Variants in MAPDA observed in about 807,000 individuals in gnomAD.
The protein encoded by MAPDA is N6-Methyl-AMP deaminase.
chr15:43,330,445 G>A, the MAPDA span: 1 of 1,542,578 alleles, frequency 6.5e-7, no homozygotes, highest in Non-Finnish European at 8.7e-7. Context: ...TGTCGTTGGT[G>A]TTCTGTACCG....
At chr15:43,345,247 G>A in the MAPDA span, among the ~76,000 whole-genome samples, 17 of 151,784 alleles carry the variant, frequency 1.1e-4, 1 homozygote, top group African/African-American at 3.6e-4. Context: ...CCAGCTACTC[G>A]GGTGACTGAG....
the MAPDA span, among the ~76,000 whole-genome samples, chr15:43,339,469 C>T: frequency 6.6e-6 from 1 of 152,182 alleles, no homozygotes; most frequent in Non-Finnish European, 1.5e-5. Flanking sequence ...TATGAACAGC[C>T]AGCCCCTCTT....
the MAPDA span, chr15:43,351,321 C>T: frequency 1.7e-5 from 5 of 301,388 alleles, no homozygotes; most frequent in Non-Finnish European, 3.0e-5. Context: ...AGTGAAACTC[C>T]ATCTCACAAA....
chr15:43,344,194 A>G, the MAPDA span, among the ~76,000 whole-genome samples: 1 of 152,190 alleles, frequency 6.6e-6, no homozygotes, highest in Non-Finnish European at 1.5e-5. Flanking sequence ...CTAGAAATGC[A>G]TCCCAGGAAA....
At chr15:43,350,995 A>G in the MAPDA span, 1 of 1,551,614 alleles carries the variant, frequency 6.4e-7, no homozygotes, top group Non-Finnish European at 8.7e-7. Flanking sequence ...TATGACCAGC[A>G]CCATTTCGGA....
At chr15:43,333,613 A>G in the MAPDA span, among the ~76,000 whole-genome samples, 2 of 152,146 alleles carry the variant, frequency 1.3e-5, no homozygotes, top group African/African-American at 2.4e-5. Flanking sequence ...TTCTATGGCT[A>G]TGTTTAGTCC....
At chr15:43,335,265 T>A in the MAPDA span, 2 of 1,326,626 alleles carry the variant, frequency 1.5e-6, no homozygotes, top group Non-Finnish European at 2.1e-6. Flanking sequence ...CTGGGCGCAG[T>A]GGCTCATGCC....
chr15:43,332,829 A>G, the MAPDA span, among the ~76,000 whole-genome samples: 2 of 152,146 alleles, frequency 1.3e-5, no homozygotes, highest in Non-Finnish European at 2.9e-5. Context: ...CCCTGCTCTA[A>G]TATTGATGAA....
chr15:43,336,712 TG>T, the MAPDA span: 19 of 1,505,484 alleles, frequency 1.3e-5, no homozygotes, highest in Non-Finnish European at 1.6e-5. Context: ...ATTTTTAGAA[TG>T]GTTTAAAAAT....
At chr15:43,348,247 A>G in the MAPDA span, among the ~76,000 whole-genome samples, 1 of 152,224 alleles carries the variant, frequency 6.6e-6, no homozygotes, top group Non-Finnish European at 1.5e-5. Flanking sequence ...TGATGAGCAC[A>G]CTATGTGAGG....
the MAPDA span, chr15:43,351,255 G>C: frequency 2.0e-6 from 1 of 509,058 alleles, no homozygotes; most frequent in Non-Finnish European, 3.5e-6. Context: ...GAACCCAGGA[G>C]GAGGAGGTTG....
At chr15:43,350,512 A>G in the MAPDA span, among the ~76,000 whole-genome samples, 4 of 152,132 alleles carry the variant, frequency 2.6e-5, no homozygotes, top group Admixed American at 2.0e-4. Flanking sequence ...TTAGCTCTTT[A>G]TAATGCTCTC....
At chr15:43,348,963 C>T in the MAPDA span, 32 of 1,613,988 alleles carry the variant, frequency 2.0e-5, no homozygotes, top group Middle Eastern at 1.6e-4. Flanking sequence ...CTGACAGAAT[C>T]GGGCATGGAA....
chr15:43,340,853 T>A, the MAPDA span, among the ~76,000 whole-genome samples: 8 of 152,240 alleles, frequency 5.3e-5, no homozygotes, highest in Non-Finnish European at 1.2e-4. Context: ...TATGTTTGCA[T>A]TGTTACAAGC....
the MAPDA span, among the ~76,000 whole-genome samples, chr15:43,337,318 G>T: frequency 6.6e-6 from 1 of 151,640 alleles, no homozygotes; most frequent in Non-Finnish European, 1.5e-5. Context: ...GACCACAGAT[G>T]GGGATATCCT....
At chr15:43,352,762 A>G in the MAPDA span, 1 of 152,222 alleles carries the variant, frequency 6.6e-6, no homozygotes, top group East Asian at 1.9e-4. Flanking sequence ...GCCACATTGT[A>G]TACCAGGGAT....
At chr15:43,346,561 G>A in the MAPDA span, among the ~76,000 whole-genome samples, 5 of 152,248 alleles carry the variant, frequency 3.3e-5, no homozygotes, top group Non-Finnish European at 7.3e-5. Context: ...ATTGCTCCTG[G>A]TTGAAAACAG....
At chr15:43,335,912 T>C in the MAPDA span, 1 of 1,510,324 alleles carries the variant, frequency 6.6e-7, no homozygotes, top group Non-Finnish European at 8.9e-7. Context: ...ATTCAGATTT[T>C]GGTAAACAGA....
the MAPDA span, among the ~76,000 whole-genome samples, chr15:43,348,507 T>A: frequency 6.6e-6 from 1 of 152,348 alleles, no homozygotes; most frequent in East Asian, 1.9e-4. Flanking sequence ...TTTTCAGAAC[T>A]TTTTATAATA....
Sources: allele counts gnomAD v4.1 joint callset (sites outside exome capture counted in the v4.1 genomes callset), GRCh38; gene constraint gnomAD v4.1.1; transcripts MANE v1.5; gene names NCBI Gene and HGNC (gene_info 2026-07-23, HGNC 2026-07-21).